Variants in C1orf167 observed in about 807,000 individuals in gnomAD.
C1orf167 encodes uncharacterized protein C1orf167.
Under a neutral mutation model 176.5 loss-of-function variants are expected in C1orf167, and 153 were observed. The ratio of observed to expected loss-of-function variants is 0.87; its 90% CI spans 0.76 to 0.99. The LOEUF is 0.99. Ranked by LOEUF, C1orf167 falls within the 50% of genes least tolerant of loss-of-function variation. The pLI is 0.00. For missense variants in C1orf167, 1,490 were observed against 1,817.7 expected (o/e 0.82, Z 3.28); for synonymous variants, 594 against 752.7 (o/e 0.79, Z 3.45).
chr1:11,788,599 G>C (rs1393028868), intron 19 of C1orf167, 53 bp from the exon 20 acceptor site: 1 of 1,273,682 alleles, frequency 7.9e-7, no homozygotes, highest in Admixed American at 2.3e-5. Context: ...AAGGGCTGGG[G>C]ACTGCGGGGG....
At chr1:11,763,333 T>TA (rs1642617675) in intron 1 of C1orf167, among the ~76,000 whole-genome samples, 1 of 151,570 alleles carries the variant, frequency 6.6e-6, no homozygotes, top group African/African-American at 2.4e-5. Context: ...TCCAGCTTGT[T>TA]AGAGGCTGAG....
At chr1:11,771,777 T>G (rs1409199573) in intron 7 of C1orf167, 141 bp downstream of exon 7, 1 of 528,634 alleles carries the variant, frequency 1.9e-6, no homozygotes, top group African/African-American at 2.0e-5. Context: ...AGAGACAATC[T>G]CATTTGAGCC....
At position 11,788,367 on chromosome 1, in the gene C1orf167, G is replaced by C. The variant is rs368230034; in HGVS notation, c.4067G>C (p.Gly1356Ala). 2.2e-5 allele frequency: 29 copies of C among 1,294,522 alleles called. 4 individuals are homozygous for C. Among genetic ancestry groups the C allele is most frequent in the Admixed American group, 1.8e-4 (8 of 43,350 alleles). The allele number at this position is 1,294,522 out of a possible 1,614,324, so 80.2% of individuals were successfully genotyped here. A position where few individuals can be genotyped will look rare whatever the true frequency, so the allele number is the denominator to read the frequency against. Reference sequence around the variant, plus strand: ...GGATGCCCAAGGGGCAGAGCAGCTGGTGCGGACCCTGGTGAGTGGGTGCAC... The same window carrying C: ...GGATGCCCAAGGGGCAGAGCAGCTGCTGCGGACCCTGGTGAGTGGGTGCAC... ...LGGCPRGRAA[G>A]ADPAQGVAPE... The change falls in exon 19 of 21, where the codon GGT becomes GCT. Residue 1356 changes from glycine to alanine, a missense_variant. Transcript: ENST00000688073.
intron 19 of C1orf167, 101 bp downstream of exon 19, chr1:11,788,479 A>T: frequency 8.5e-7 from 1 of 1,172,760 alleles, no homozygotes; most frequent in Non-Finnish European, 1.1e-6. Context: ...TACTGACTCC[A>T]AAACCTTGGG....
chr1:11,787,731 TG>T, intron 17 of C1orf167, 141 bp from the exon 18 acceptor site: 1 of 1,127,692 alleles, frequency 8.9e-7, no homozygotes. Context: ...GCTGGAGGCC[TG>T]GGGAGATGGG....
chr1:11,788,962 C>T, intron 20 of C1orf167: 1 of 387,702 alleles, frequency 2.6e-6, no homozygotes, highest in Non-Finnish European at 4.8e-6. Context: ...GCCAGGCCCA[C>T]CCGGTCCATC....
chr1:11,770,054 T>C (rs1206252538), intron 6 of C1orf167, among the ~76,000 whole-genome samples: 4 of 152,106 alleles, frequency 2.6e-5, no homozygotes, highest in Non-Finnish European at 4.4e-5. Context: ...ATTAATTAAC[T>C]TGAAAGCTTC....
chr1:11,785,294 G>A lies in C1orf167; in HGVS notation c.3567+5G>A, dbSNP rs927360235. On this transcript the variant is annotated splice_donor_5th_base_variant and intron_variant, in intron 16 of 20. Coordinates refer to ENST00000688073, the MANE Select transcript of C1orf167 (RefSeq NM_001010881.2). ...GGACTGCCAGGGGCCGGCAAGGTACGCCCCAAGCCCCAGACTGACCTCACG... is the reference window on the plus strand; with the variant it reads ...GGACTGCCAGGGGCCGGCAAGGTACACCCCAAGCCCCAGACTGACCTCACG... 23 of 1,281,688 alleles carry A rather than the reference G, an allele frequency of 1.8e-5. No individual in the cohort carries two copies. Among genetic ancestry groups the A allele is most frequent in the Admixed American group, 4.6e-5 (2 of 43,080 alleles). 79.4% of individuals were successfully genotyped at this position (1,281,688 alleles called of 1,614,324 possible). A position where few individuals can be genotyped will look rare whatever the true frequency, so the allele number is the denominator to read the frequency against.
At chr1:11,771,996 C>A in intron 7 of C1orf167, 86 bp from the exon 8 acceptor site, 1 of 1,073,570 alleles carries the variant, frequency 9.3e-7, no homozygotes, top group South Asian at 1.6e-5. Context: ...CTGCGACAGG[C>A]ACCCCACATG....
rs1227415537 is a variant in C1orf167, at chr1:11,766,487, G to A, written c.701G>A (p.Arg234His). The change falls in exon 3 of 21, where the codon CGT becomes CAT. Residue 234 changes from arginine (R) to histidine (H), a missense_variant. Transcript: ENST00000688073. This position sits in a 1 kb window ranked among gnomAD's most constrained non-coding sequence, Gnocchi z 4.5. Reference protein sequence around the residue: ...PSQNQTQAPSRAAVHQLLASV... With the variant: ...PSQNQTQAPSHAAVHQLLASV... ...CAGAACCAGACTCAGGCCCCATCCCGTGCTGCCGTCCACCAGCTGCTGGCT... is the reference window on the plus strand; with the variant it reads ...CAGAACCAGACTCAGGCCCCATCCCATGCTGCCGTCCACCAGCTGCTGGCT... 1.2e-5 allele frequency: 15 copies of A among 1,284,064 alleles called. No individual in the cohort carries two copies. Among genetic ancestry groups the A allele is most frequent in the African/African-American group, 9.1e-5 (6 of 65,598 alleles). The allele number at this position is 1,284,064 out of a possible 1,614,324, so 79.5% of individuals were successfully genotyped here.
At position 11,781,944 on chromosome 1, in the gene C1orf167, C is replaced by G. The variant is rs1643623049; in HGVS notation, c.2861-245C>G. Among the ~76,000 whole-genome samples the G allele has an allele frequency of 2.0e-5, 3 of 152,128 alleles. No individual in the cohort carries two copies. In the South Asian group the frequency reaches 6.2e-4, roughly 32 times the overall value. On this transcript the variant is annotated intron_variant, in intron 13 of 20. Coordinates refer to ENST00000688073, the MANE Select transcript of C1orf167 (RefSeq NM_001010881.2). ...AAAAAATAGAAAATTAGATTTTTAC[C>G]TGAATTCTCCAGATTTGAAAATACT... is the stretch of plus-strand genomic sequence containing the variant.
At chr1:11,764,663 T>C (rs1281994889) in intron 2 of C1orf167, among the ~76,000 whole-genome samples, 193 bp downstream of exon 2, 3 of 151,116 alleles carry the variant, frequency 2.0e-5, no homozygotes, top group Non-Finnish European at 4.4e-5. Flanking sequence ...CTTGGGAGAG[T>C]GAGGTCAGGA....
chr1:11,770,574 G>T (rs1360827314), intron 6 of C1orf167, among the ~76,000 whole-genome samples: 1 of 150,292 alleles, frequency 6.7e-6, no homozygotes, highest in African/African-American at 2.5e-5. Flanking sequence ...CTCCCAAGTA[G>T]CTGGGATTAT....
rs1034709015 is a variant in C1orf167 at position 11,768,953 on chromosome 1, C to T, written c.1543-20C>T. 1 of 985,864 alleles carries T rather than the reference C, an allele frequency of 1.0e-6. No individual in the cohort carries two copies. Among genetic ancestry groups the T allele is most frequent in the Non-Finnish European group, 1.2e-6 (1 of 830,016 alleles). 61.1% of individuals were successfully genotyped at this position (985,864 alleles called of 1,614,324 possible). ...CAGATTCAAGGCCAACATCTCCTTT[C>T]CCCTTCTCTCTTGAGCCAGTGGAGA... On this transcript the variant is annotated intron_variant, in intron 5 of 20. Coordinates refer to ENST00000688073, the MANE Select transcript of C1orf167 (RefSeq NM_001010881.2). This position sits in a 1 kb window ranked among gnomAD's most constrained non-coding sequence, Gnocchi z 4.5.
At chr1:11,789,128 G>A (rs1644000975) in intron 20 of C1orf167, 142 bp from the exon 21 acceptor site, 1 of 775,976 alleles carries the variant, frequency 1.3e-6, no homozygotes, top group Non-Finnish European at 1.8e-6. Flanking sequence ...ATTTGGCCTA[G>A]GCAAGACTGG....
chr1:11,765,456 G>C (rs917149724), intron 2 of C1orf167, among the ~76,000 whole-genome samples: 4 of 152,088 alleles, frequency 2.6e-5, no homozygotes, highest in African/African-American at 9.7e-5. Context: ...GCTCAAGCCA[G>C]AAATCAAGGA....
rs559561767 is a variant in C1orf167 at position 11,769,153 on chromosome 1, G to A, written c.1697+26G>A. 1.0e-5 allele frequency: 10 copies of A among 985,876 alleles called. No individual in the cohort carries two copies. The South Asian group carries it at 1.9e-4, about 19-fold the overall frequency. The allele number at this position is 985,876 out of a possible 1,614,324, so 61.1% of individuals were successfully genotyped here. ...GTTGGTCAGTGTTGCCTGGGAAGCC[G>A]GTGGCCTTTCTTCCCCAACTTCCTG... is the stretch of plus-strand genomic sequence containing the variant. On this transcript the variant is annotated intron_variant, in intron 6 of 20. Transcript: ENST00000688073.
At chr1:11,783,420 T>C (rs1407692534) in intron 14 of C1orf167, among the ~76,000 whole-genome samples, 2 of 152,072 alleles carry the variant, frequency 1.3e-5, no homozygotes. Flanking sequence ...GCTAATTTTG[T>C]ATTTTTAGTA....
At chr1:11,771,021 G>A (rs540602650) in intron 6 of C1orf167, among the ~76,000 whole-genome samples, 8 of 85,162 alleles carry the variant, frequency 9.4e-5, no homozygotes, top group African/African-American at 2.6e-4. Flanking sequence ...CTCTGGCAGC[G>A]TGTGTGTGTA....
Sources: allele counts gnomAD v4.1 joint callset (sites outside exome capture counted in the v4.1 genomes callset), GRCh38; gene constraint gnomAD v4.1.1; non-coding constraint Gnocchi (gnomAD v3.1); transcripts MANE v1.5; gene names NCBI Gene and HGNC (gene_info 2026-07-23, HGNC 2026-07-21).